MAX: variants seen among roughly 807,000 people sequenced by gnomAD.
MAX encodes protein max.
A neutral mutation model predicts 22.3 loss-of-function variants in MAX; 3 were observed. That is an observed-to-expected ratio of 0.13 (90% CI 0.06 to 0.35). MAX has a LOEUF of 0.35. Ranked by LOEUF, MAX falls within the 10% of genes least tolerant of loss-of-function variation. The pLI, the probability that MAX is intolerant of heterozygous loss-of-function variation, is 1.00. For synonymous variants in MAX, 72 were observed against 77.7 expected, an observed-to-expected ratio of 0.93 and a Z score of 0.39; for missense variants, 119 against 209.4, an observed-to-expected ratio of 0.57 and a Z score of 2.66.
At chr14:65,016,868 GAC>G (rs2061783136) in intron 3 of MAX, among the ~76,000 whole-genome samples, 1 of 151,646 alleles carries the variant, frequency 6.6e-6, no homozygotes. Flanking sequence ...AGGAGAGTTG[GAC>G]ACAGTTTCTG....
chr14:65,006,463 CG>C (rs1555390214), intron 3 of MAX, among the ~76,000 whole-genome samples: 1 of 152,182 alleles, frequency 6.6e-6, no homozygotes, highest in Non-Finnish European at 1.5e-5. Context: ...CTTGGGAGAA[CG>C]AGCTCTCTTA....
chr14:65,042,510 C>T (rs2062375749), intron 3 of MAX, among the ~76,000 whole-genome samples: 1 of 152,142 alleles, frequency 6.6e-6, no homozygotes, highest in South Asian at 2.1e-4. Context: ...AAGTGGAGCT[C>T]AGGCAGTAAT....
intron 3 of MAX, among the ~76,000 whole-genome samples, chr14:65,008,450 G>A (rs1055869112): frequency 5.3e-5 from 8 of 152,238 alleles, no homozygotes; most frequent in African/African-American, 1.9e-4. Flanking sequence ...CCCCTGCTGG[G>A]CTCTTGGTCT....
Position 65,077,827 on chromosome 14 carries a change from G to A in MAX, c.295+86C>T. The A allele has an allele frequency of 6.2e-7, 1 of 1,614,182 alleles. No individual in the cohort carries two copies. The highest frequency in any genetic ancestry group is 1.3e-5 in the African/African-American group (1 of 75,060). ...GCTACTGAGCACATACTCCATGACT[G>A]GCTCTGACTCTGCAGGCCCAGGTGC... On this transcript the variant is annotated intron_variant, in intron 4 of 4. Transcript: ENST00000358664. The surrounding 1 kb of genome is among the most constrained non-coding windows in gnomAD (Gnocchi z 6.3).
intron 3 of MAX, among the ~76,000 whole-genome samples, chr14:65,050,367 G>A (rs1251943548): frequency 6.6e-6 from 1 of 152,130 alleles, no homozygotes; most frequent in African/African-American, 2.4e-5. Context: ...AAGCCGAGTT[G>A]GGCAGATCAT....
Position 65,060,463 on chromosome 14 carries a change from G to A in MAX, c.171+33245C>T, listed in dbSNP as rs985627583. On this transcript the variant is annotated intron_variant, in intron 3 of 3. Transcript: ENST00000341653. ...AATAATCCCAGCACTTTGGGAGGCCGAGGCGGGCGGATCACGAGGTCAGGA... is the reference window on the plus strand; with the variant it reads ...AATAATCCCAGCACTTTGGGAGGCCAAGGCGGGCGGATCACGAGGTCAGGA... 1.9e-5 allele frequency among the ~76,000 whole-genome samples: 2 copies of A among 103,278 alleles called. 1 individual carries two copies. Among genetic ancestry groups the A allele is most frequent in the South Asian group, 6.4e-4 (2 of 3,128 alleles). 67.8% of individuals were successfully genotyped at this position (103,278 alleles called of 152,430 possible).
chr14:65,084,211 T>C lies in MAX; in HGVS notation c.172-6175A>G. 1 of 1,614,092 alleles carries C rather than the reference T, an allele frequency of 6.2e-7. No individual in the cohort carries two copies. The highest frequency in any genetic ancestry group is 8.5e-7 in the Non-Finnish European group (1 of 1,179,936). On this transcript the variant is annotated intron_variant, in intron 3 of 4. Transcript: ENST00000358664. The surrounding 1 kb of genome is among the most constrained non-coding windows in gnomAD (Gnocchi z 4.3). ...CTTGCATTCTTTTTTCTTGTGCACT[T>C]GGTAGCTTGAAATGAAGGTGTGGCA...
chr14:65,032,732 G>A lies in MAX; in HGVS notation c.172-26448C>T, dbSNP rs7148144. On this transcript the variant is annotated intron_variant, in intron 3 of 3. Transcript: ENST00000341653. This position sits in a 1 kb window ranked among gnomAD's most constrained non-coding sequence, Gnocchi z 5.0. ...CCAGGGTTTCTCCTGGCCTCTTGGA[G>A]AGCAGGCGGTCACGACACTACTTCA... 157,943 of 1,599,550 alleles carry A rather than the reference G, an allele frequency of 0.099. 14,256 individuals are homozygous for A. Among genetic ancestry groups the A allele is most frequent in the African/African-American group, 0.43 (31,994 of 74,214 alleles).
chr14:65,034,647 CTT>C (rs2062151219), intron 3 of MAX, among the ~76,000 whole-genome samples: 2 of 152,108 alleles, frequency 1.3e-5, no homozygotes, highest in East Asian at 3.9e-4. Context: ...GTTTGGTTCT[CTT>C]TTATATTTTG....
chr14:65,042,726 G>T (rs2062380225), intron 3 of MAX, among the ~76,000 whole-genome samples: 1 of 152,130 alleles, frequency 6.6e-6, no homozygotes, highest in South Asian at 2.1e-4. Flanking sequence ...CAAATCCATG[G>T]GCTTAGGCAC....
intron 3 of MAX, among the ~76,000 whole-genome samples, chr14:65,010,984 A>G (rs1288398677): frequency 6.6e-6 from 1 of 152,036 alleles, no homozygotes; most frequent in Non-Finnish European, 1.5e-5. Flanking sequence ...TTTTTCACAC[A>G]AACTTTCCTG....
At position 65,062,359 on chromosome 14, in the gene MAX, T is replaced by G. The variant is rs2062880984; in HGVS notation, c.171+31349A>C. The G allele has an allele frequency of 6.6e-6, 1 of 152,466 alleles. No individual in the cohort carries two copies. The highest frequency in any genetic ancestry group is 1.5e-5 in the Non-Finnish European group (1 of 68,090). The allele number at this position is 152,466 out of a possible 1,614,324, so 9.4% of individuals were successfully genotyped here. A position where few individuals can be genotyped will look rare whatever the true frequency, so the allele number is the denominator to read the frequency against. ...ACTGGCTGCTACTAAGGCACTAGCC[T>G]CTGTAGCTGGTGGTGGCAGCGTGGG... On this transcript the variant is annotated intron_variant, in intron 3 of 3. Coordinates refer to the MAX transcript ENST00000341653. The surrounding 1 kb of genome is among the most constrained non-coding windows in gnomAD (Gnocchi z 4.3).
chr14:65,054,579 C>T lies in MAX; in HGVS notation c.171+39129G>A, dbSNP rs764980988. On this transcript the variant is annotated intron_variant, in intron 3 of 3. Coordinates refer to the MAX transcript ENST00000341653. This position sits in a 1 kb window ranked among gnomAD's most constrained non-coding sequence, Gnocchi z 4.4. ...CAGAGCTGCCTGTCCTTACAGGTCG[C>T]GTGATTTCTACCACACCTGCTACTG... 14 of 1,612,644 alleles carry T rather than the reference C, an allele frequency of 8.7e-6. No homozygotes were observed. The Admixed American group carries it at 1.2e-4, about 13-fold the overall frequency.
intron 2 of MAX, among the ~76,000 whole-genome samples, chr14:65,094,543 C>A (rs1010163707): frequency 6.6e-6 from 1 of 152,256 alleles, no homozygotes; most frequent in Non-Finnish European, 1.5e-5. Context: ...ACTTCTGACA[C>A]CACATACTCA....
In MAX at chr14:65,031,077, G is replaced by A. The variant is rs1337475586; in HGVS notation, c.172-24793C>T. Among the ~76,000 whole-genome samples the A allele has an allele frequency of 6.6e-6, 1 of 152,032 alleles. No individual in the cohort carries two copies. Among genetic ancestry groups the A allele is most frequent in the African/African-American group, 2.4e-5 (1 of 41,414 alleles). On this transcript the variant is annotated intron_variant, in intron 3 of 3. Transcript: ENST00000341653. This position sits in a 1 kb window ranked among gnomAD's most constrained non-coding sequence, Gnocchi z 4.6. ...CCTGCCTTAGCCTCCCAAAGTGCTGGGATTACAGGCATGAGCTACCATGCC... is the reference window on the plus strand; with the variant it reads ...CCTGCCTTAGCCTCCCAAAGTGCTGAGATTACAGGCATGAGCTACCATGCC...
chr14:65,099,005 A>C (rs1428635481), intron 2 of MAX, among the ~76,000 whole-genome samples: 1 of 152,208 alleles, frequency 6.6e-6, no homozygotes, highest in Non-Finnish European at 1.5e-5. Context: ...TGAATACCTA[A>C]GTATTTGGTT....
Position 65,028,608 on chromosome 14 carries a change from C to A in MAX, c.172-22324G>T, listed in dbSNP as rs529046202. On this transcript the variant is annotated intron_variant, in intron 3 of 3. Transcript: ENST00000341653. This position sits in a 1 kb window ranked among gnomAD's most constrained non-coding sequence, Gnocchi z 4.4. ...TTTGAAAGTATAGGGGAGGAAAAAA[C>A]CACGAACATTGTGGAGCATAAAATA... is the stretch of plus-strand genomic sequence containing the variant. Among the ~76,000 whole-genome samples the A allele has an allele frequency of 5.3e-5, 8 of 152,276 alleles. No homozygotes were observed. In the South Asian group the frequency reaches 1.7e-3, roughly 32 times the overall value.
chr14:65,028,059 A>G lies in MAX; in HGVS notation c.172-21775T>C, dbSNP rs568482854. Among the ~76,000 whole-genome samples, 27 of 152,368 alleles carry G rather than the reference A, an allele frequency of 1.8e-4. 1 individual carries two copies. Among genetic ancestry groups the G allele is most frequent in the Admixed American group, 1.5e-3 (23 of 15,302 alleles). On this transcript the variant is annotated intron_variant, in intron 3 of 3. Transcript: ENST00000341653. The surrounding 1 kb of genome is among the most constrained non-coding windows in gnomAD (Gnocchi z 4.4). Reference sequence around the variant, plus strand: ...ATACATTTGTTTGGTACAAAATGATATACCACAATATAAATAACTGTATGG... The same window carrying G: ...ATACATTTGTTTGGTACAAAATGATGTACCACAATATAAATAACTGTATGG...
At position 65,075,962 on chromosome 14, in the gene MAX, A is replaced by G. The variant is rs534638682; in HGVS notation, c.*514T>C. ...CGATACATAGCTTTTTAGAAAAAGGAAAAAAAAAAAACCCTTAAAAAGGAG... is the reference window on the plus strand; with the variant it reads ...CGATACATAGCTTTTTAGAAAAAGGGAAAAAAAAAAACCCTTAAAAAGGAG... On this transcript the variant is annotated 3_prime_UTR_variant, in exon 5 of 5. Coordinates refer to ENST00000358664, the MANE Select transcript of MAX (RefSeq NM_002382.5). The surrounding 1 kb of genome is among the most constrained non-coding windows in gnomAD (Gnocchi z 4.1). The G allele has an allele frequency of 3.8e-6, 2 of 526,182 alleles. No individual in the cohort carries two copies. Among genetic ancestry groups the G allele is most frequent in the East Asian group, 8.8e-5 (1 of 11,336 alleles). The allele number at this position is 526,182 out of a possible 1,614,324, so 32.6% of individuals were successfully genotyped here. A position where few individuals can be genotyped will look rare whatever the true frequency, so the allele number is the denominator to read the frequency against.
Sources: allele counts gnomAD v4.1 joint callset (sites outside exome capture counted in the v4.1 genomes callset), GRCh38; gene constraint gnomAD v4.1.1; non-coding constraint Gnocchi (gnomAD v3.1); transcripts MANE v1.5; gene names NCBI Gene and HGNC (gene_info 2026-07-23, HGNC 2026-07-21).